Variants in KIF26B observed in about 807,000 individuals in gnomAD.
The protein encoded by KIF26B is kinesin family member 26B, also known as kinesin-like protein KIF26B.
KIF26B carries 63 observed loss-of-function variants against 151.2 expected under a neutral mutation model. The observed-to-expected ratio is 0.42, with a 90% confidence interval of 0.34 to 0.51. The LOEUF (loss-of-function observed/expected upper bound fraction) is 0.51. Among genes scored for constraint, KIF26B ranks in the 20% least tolerant of loss-of-function variants. The pLI, the probability that KIF26B is intolerant of heterozygous loss-of-function variation, is 0.07. For synonymous variants in KIF26B, 1,357 were observed against 1,262.1 expected (o/e 1.08, Z -1.59); for missense variants, 2,813 against 2,913.6 (o/e 0.97, Z 0.79).
At chr1:245,550,557 G>A (rs866974898) in intron 5 of KIF26B, among the ~76,000 whole-genome samples, 1 of 152,214 alleles carries the variant, frequency 6.6e-6, no homozygotes, top group Non-Finnish European at 1.5e-5. Flanking sequence ...AAAACCCACC[G>A]GCGCAGTGGT....
intron 9 of KIF26B, among the ~76,000 whole-genome samples, chr1:245,618,235 C>G (rs558021276): frequency 6.6e-6 from 1 of 152,186 alleles, no homozygotes; most frequent in Non-Finnish European, 1.5e-5. Context: ...TGCCTTACTC[C>G]GCCTTATATT....
At chr1:245,265,271 C>T (rs1670725167) in intron 2 of KIF26B, among the ~76,000 whole-genome samples, 1 of 147,384 alleles carries the variant, frequency 6.8e-6, no homozygotes, top group African/African-American at 2.5e-5. Context: ...ATAGTTATGA[C>T]ACGATGTTAT....
Position 245,156,398 on chromosome 1 carries a change from C to G in KIF26B, c.180C>G (p.Gly60=). 6.5e-7 allele frequency: 1 copy of G among 1,539,636 alleles called. No individual in the cohort carries two copies. Among genetic ancestry groups the G allele is most frequent in the South Asian group, 1.2e-5 (1 of 83,652 alleles). ...GCCGGCCCACTCCTGAGGGCGCGGG[C>G]TCAGCGCTCGGCTCCTCGGGGACCC... The part of the protein sequence containing the change: ...AGSRPTPEGA[G]SALGSSGTPS... Residue 60 remains glycine (G), a synonymous_variant, in exon 2 of 15, where the codon GGC becomes GGG. Transcript: ENST00000407071.
rs543837657 is a variant in KIF26B at position 245,267,136 on chromosome 1, C to T, written c.466-99698C>T. Among the ~76,000 whole-genome samples, 44 of 152,316 alleles carry T rather than the reference C, an allele frequency of 2.9e-4. No individual in the cohort carries two copies. In the South Asian group the frequency reaches 8.1e-3, roughly 28 times the overall value. On this transcript the variant is annotated intron_variant, in intron 2 of 14. Transcript: ENST00000407071. ...GCATTTCATTCTGCACAAACCTCCTCGCCGCCTGCCACATCTAAGCTATGA... is the reference window on the plus strand; with the variant it reads ...GCATTTCATTCTGCACAAACCTCCTTGCCGCCTGCCACATCTAAGCTATGA...
chr1:245,555,549 G>A (rs1286315085), intron 5 of KIF26B, among the ~76,000 whole-genome samples: 2 of 152,136 alleles, frequency 1.3e-5, no homozygotes, highest in Non-Finnish European at 2.9e-5. Flanking sequence ...GGAAGCGGCT[G>A]CTCAGATGAA....
chr1:245,369,185 GAGAGAGAGAGAGAC>G (rs1350210517), intron 3 of KIF26B, among the ~76,000 whole-genome samples: 1 of 150,616 alleles, frequency 6.6e-6, no homozygotes, highest in African/African-American at 2.5e-5. Flanking sequence ...GAGAGAGAGA[GAGAGAGAGAGAGAC>G]AGACAGACAG....
chr1:245,160,923 G>A (rs774629994), intron 2 of KIF26B, among the ~76,000 whole-genome samples: 1 of 152,206 alleles, frequency 6.6e-6, no homozygotes, highest in Non-Finnish European at 1.5e-5. Context: ...AGCTCCAAAA[G>A]AGGGGTATGG....
chr1:245,472,034 C>A (rs12090391), intron 4 of KIF26B, among the ~76,000 whole-genome samples: 2 of 151,970 alleles, frequency 1.3e-5, no homozygotes, highest in East Asian at 3.9e-4. Context: ...TCAGATGATC[C>A]GCCCACCTCG....
Position 245,409,739 on chromosome 1 carries a change from A to G in KIF26B, c.1000-9840A>G, listed in dbSNP as rs139248167. Among the ~76,000 whole-genome samples, 642 of 152,244 alleles carry G rather than the reference A, an allele frequency of 4.2e-3. 5 individuals are homozygous for G. The highest frequency in any genetic ancestry group is 0.015 in the African/African-American group (626 of 41,554). ...GTGCTGGCTGGGGGTGCTGGACAGC[A>G]CAGAGAGGAGTTTATCTGTCTGACT... On this transcript the variant is annotated intron_variant, in intron 3 of 14. Transcript: ENST00000407071.
intron 2 of KIF26B, among the ~76,000 whole-genome samples, chr1:245,160,033 G>A (rs972605365): frequency 7.9e-5 from 12 of 152,212 alleles, no homozygotes; most frequent in Non-Finnish European, 1.6e-4. Context: ...GAAAGAGATG[G>A]AGGCAGATTT....
At chr1:245,199,685 G>C (rs766954741) in intron 2 of KIF26B, among the ~76,000 whole-genome samples, 1 of 152,078 alleles carries the variant, frequency 6.6e-6, no homozygotes, top group Non-Finnish European at 1.5e-5. Context: ...GTTTCACCAT[G>C]TTGGCCAGGC....
At position 245,569,927 on chromosome 1, in the gene KIF26B, A is replaced by ATT. The variant is rs869238168; in HGVS notation, c.1350+29002_1350+29003dup. 4.6e-3 allele frequency among the ~76,000 whole-genome samples: 218 copies of ATT among 47,668 alleles called. 48 individuals are homozygous for ATT. Among genetic ancestry groups the ATT allele is most frequent in the East Asian group, 0.013 (14 of 1,090 alleles). The allele number at this position is 47,668 out of a possible 152,430, so 31.3% of individuals were successfully genotyped here. A position where few individuals can be genotyped will look rare whatever the true frequency, so the allele number is the denominator to read the frequency against. Reference sequence around the variant, plus strand: ...GGGAAACCTACGTTGTAAATAGAGAATTTTTTTTTTTTTTTTTTTTTTTTT... The same window carrying ATT: ...GGGAAACCTACGTTGTAAATAGAGAATTTTTTTTTTTTTTTTTTTTTTTTTTT... On this transcript the variant is annotated intron_variant, in intron 5 of 14. Transcript: ENST00000407071.
chr1:245,600,394 A>G (rs1229050639), intron 5 of KIF26B, among the ~76,000 whole-genome samples: 1 of 151,274 alleles, frequency 6.6e-6, no homozygotes, highest in Non-Finnish European at 1.5e-5. Context: ...GTGCAGTGGC[A>G]TGATCATAGC....
intron 10 of KIF26B, among the ~76,000 whole-genome samples, chr1:245,680,325 G>T (rs1376184772): frequency 6.6e-6 from 1 of 152,150 alleles, no homozygotes; most frequent in African/African-American, 2.4e-5. Context: ...CACATGAAGG[G>T]CTCACCAGCA....
chr1:245,607,066 C>CAA (rs35411674), intron 6 of KIF26B, among the ~76,000 whole-genome samples: 2,403 of 71,172 alleles, frequency 0.034, 81 homozygotes, highest in Non-Finnish European at 0.05. Context: ...AACTCCGTCT[C>CAA]AAAAAAAAAA....
chr1:245,208,328 T>C (rs985709093), intron 2 of KIF26B, among the ~76,000 whole-genome samples: 1 of 152,230 alleles, frequency 6.6e-6, no homozygotes, highest in African/African-American at 2.4e-5. Context: ...TTCATTGTGC[T>C]GTAATTTACA....
At chr1:245,629,262 A>C (rs2043755431) in intron 9 of KIF26B, among the ~76,000 whole-genome samples, 1 of 152,210 alleles carries the variant, frequency 6.6e-6, no homozygotes, top group South Asian at 2.1e-4. Context: ...TTTCATATGA[A>C]ACCAAAAAAG....
chr1:245,501,701 C>T (rs761474446), intron 4 of KIF26B, among the ~76,000 whole-genome samples: 9 of 152,202 alleles, frequency 5.9e-5, no homozygotes, highest in Non-Finnish European at 1.3e-4. Context: ...AAAGTGTAAA[C>T]AAATGCATTC....
Position 245,451,042 on chromosome 1 carries a change from G to GT in KIF26B, c.1166+31306dup, listed in dbSNP as rs574863237. 2.9e-4 allele frequency among the ~76,000 whole-genome samples: 44 copies of GT among 149,684 alleles called. 1 individual carries two copies. The highest frequency in any genetic ancestry group is 1.9e-3 in the Admixed American group (28 of 15,024). The stretch of plus-strand genomic sequence containing the variant: ...TCCTACAACGGAAACTTTGACTTTT[G>GT]TTTTTTTTTGAAGAGACATTTTGAC... On this transcript the variant is annotated intron_variant, in intron 4 of 14. Transcript: ENST00000407071.
Sources: allele counts gnomAD v4.1 joint callset (sites outside exome capture counted in the v4.1 genomes callset), GRCh38; gene constraint gnomAD v4.1.1; transcripts MANE v1.5; gene names NCBI Gene and HGNC (gene_info 2026-07-23, HGNC 2026-07-21).